NHS: variants seen among roughly 807,000 people sequenced by gnomAD.
NHS encodes actin remodeling regulator NHS.
Under a neutral mutation model 72.5 loss-of-function variants are expected in NHS, and 5 were observed. That is an observed-to-expected ratio of 0.07 (90% CI 0.04 to 0.14). NHS has a LOEUF of 0.14. Among genes scored for constraint, NHS ranks in the 10% least tolerant of loss-of-function variants. The pLI is 1.00. For missense variants in NHS, 1,072 were observed against 1,355.7 expected (o/e 0.79, Z 3.29); for synonymous variants, 464 against 547.7 (o/e 0.85, Z 2.13).
At chrX:17,498,181 C>T (rs1237383477) in intron 1 of NHS, among the ~76,000 whole-genome samples, 1 of 112,220 alleles carries the variant, frequency 8.9e-6, no homozygotes, top group Non-Finnish European at 1.9e-5. Context: ...TCCTCTTCAG[C>T]TTTCTCGATA....
intron 1 of NHS, among the ~76,000 whole-genome samples, chrX:17,558,361 T>A (rs1244158583): frequency 1.8e-5 from 2 of 112,125 alleles, no homozygotes; most frequent in Non-Finnish European, 3.8e-5. Flanking sequence ...CATTACTAGA[T>A]TTAGAGAGAT....
chrX:17,523,112 C>T (rs1047527452), intron 1 of NHS, among the ~76,000 whole-genome samples: 2 of 112,286 alleles, frequency 1.8e-5, no homozygotes, highest in African/African-American at 3.2e-5. Context: ...GCAGTTCTGT[C>T]GCTAAGTATC....
intron 1 of NHS, among the ~76,000 whole-genome samples, chrX:17,685,381 C>T (rs2066156080): frequency 9.0e-6 from 1 of 111,578 alleles, no homozygotes; most frequent in Non-Finnish European, 1.9e-5. Flanking sequence ...AGGTGATGAT[C>T]CCTGGCCCTG....
intron 1 of NHS, among the ~76,000 whole-genome samples, chrX:17,469,881 G>T (rs1314229241): frequency 1.8e-5 from 2 of 112,033 alleles, no homozygotes; most frequent in Non-Finnish European, 3.8e-5. Context: ...TACCTCAGGT[G>T]ATTGGCCCGC....
chrX:17,485,967 C>A (rs2064965815), intron 1 of NHS, among the ~76,000 whole-genome samples: 1 of 111,633 alleles, frequency 9.0e-6, no homozygotes, highest in Middle Eastern at 4.2e-3. Flanking sequence ...AAGCCTTCCT[C>A]CCCTAGCTGG....
intron 1 of NHS, among the ~76,000 whole-genome samples, chrX:17,452,453 C>G (rs2064809309): frequency 1.8e-5 from 2 of 109,850 alleles, no homozygotes; most frequent in Admixed American, 9.7e-5. Context: ...GTCTCCAGTG[C>G]AGTACTCCAC....
At chrX:17,440,666 A>AAAGTTTGG (rs1460766763) in intron 1 of NHS, among the ~76,000 whole-genome samples, 1 of 111,943 alleles carries the variant, frequency 8.9e-6, no homozygotes, top group African/African-American at 3.2e-5. Context: ...AAAAAAGAAA[A>AAAGTTTGG]AAGTTTGGAA....
chrX:17,699,278 A>T, intron 3 of NHS, among the ~76,000 whole-genome samples: 1 of 111,978 alleles, frequency 8.9e-6, no homozygotes. Flanking sequence ...GAAAAAGGAA[A>T]CCTAGCCCTA....
intron 1 of NHS, among the ~76,000 whole-genome samples, chrX:17,401,156 A>C (rs1218707878): frequency 8.9e-6 from 1 of 112,185 alleles, no homozygotes; most frequent in African/African-American, 3.2e-5. Context: ...TAGTCTTTTC[A>C]ACAAATGGTG....
intron 1 of NHS, among the ~76,000 whole-genome samples, chrX:17,684,065 A>G (rs1363783252): frequency 9.0e-6 from 1 of 111,398 alleles, no homozygotes; most frequent in Non-Finnish European, 1.9e-5. Context: ...GGTTTTATAA[A>G]GGGGAGTTCC....
chrX:17,718,497 A>G (rs1324391885), intron 3 of NHS, among the ~76,000 whole-genome samples: 3 of 95,697 alleles, frequency 3.1e-5, no homozygotes, highest in African/African-American at 1.2e-4. Flanking sequence ...GAAGGGAGGG[A>G]AGGAAAAAGG....
At chrX:17,589,248 G>A (rs1450943896) in intron 1 of NHS, among the ~76,000 whole-genome samples, 1 of 111,259 alleles carries the variant, frequency 9.0e-6, no homozygotes, top group Non-Finnish European at 1.9e-5. Flanking sequence ...GTGAGATTTT[G>A]GTACACCCAT....
chrX:17,548,313 TC>T (rs1306229655), intron 1 of NHS, among the ~76,000 whole-genome samples: 1 of 110,509 alleles, frequency 9.0e-6, no homozygotes, highest in Non-Finnish European at 1.9e-5. Flanking sequence ...TTTTTTTTTT[TC>T]CCATGCAGAT....
At chrX:17,451,042 ACG>A (rs2064803426) in intron 1 of NHS, among the ~76,000 whole-genome samples, 2 of 111,877 alleles carry the variant, frequency 1.8e-5, no homozygotes, top group Admixed American at 1.9e-4. Flanking sequence ...TGTGTAAAAT[ACG>A]CATTTGGTTT....
chrX:17,426,342 T>C (rs890698061), intron 1 of NHS, among the ~76,000 whole-genome samples: 26 of 111,836 alleles, frequency 2.3e-4, no homozygotes, highest in South Asian at 1.9e-3. Context: ...TCCCCTTTGC[T>C]CTGATCTCAT....
intron 1 of NHS, among the ~76,000 whole-genome samples, chrX:17,553,112 C>A (rs1175924127): frequency 1.8e-5 from 2 of 112,950 alleles, no homozygotes; most frequent in East Asian, 5.6e-4. Flanking sequence ...GGGTCCTACC[C>A]TCCTCCTCCC....
At chrX:17,379,081 C>T (rs1244488080) in intron 1 of NHS, among the ~76,000 whole-genome samples, 1 of 110,506 alleles carries the variant, frequency 9.0e-6, no homozygotes, top group African/African-American at 3.3e-5. Context: ...TTTTTCTCTT[C>T]CTTTGAGAGT....
intron 3 of NHS, among the ~76,000 whole-genome samples, chrX:17,700,865 C>A (rs1259108626): frequency 9.0e-6 from 1 of 111,006 alleles, no homozygotes; most frequent in Non-Finnish European, 1.9e-5. Context: ...AAGGCAAAGC[C>A]CAAAAAAGTG....
intron 1 of NHS, among the ~76,000 whole-genome samples, chrX:17,648,264 C>T (rs1267373542): frequency 9.0e-6 from 1 of 111,424 alleles, no homozygotes; most frequent in Non-Finnish European, 1.9e-5. Flanking sequence ...ATTAGCAGAC[C>T]AAGATGGGGG....
Sources: gnomAD v4.1 joint callset for allele counts (sites outside exome capture counted in the v4.1 genomes callset) on GRCh38, gnomAD v4.1.1 for gene constraint, MANE v1.5 for transcripts, NCBI Gene and HGNC (gene_info 2026-07-23, HGNC 2026-07-21) for gene names.